The following DNAH5 variants were observed in gnomAD, a reference collection of about 807,000 sequenced individuals.
DNAH5 encodes axonemal beta dynein heavy chain 5.
Under a neutral mutation model 518.2 loss-of-function variants are expected in DNAH5, and 372 were observed. That is an observed-to-expected ratio of 0.72 (90% CI 0.66 to 0.78). The LOEUF (loss-of-function observed/expected upper bound fraction) is 0.78, where lower values mean the gene tolerates loss of function less well. DNAH5 is among the 30% of genes least tolerant of loss of function. DNAH5 has a pLI of 0.00. For missense variants in DNAH5, 5,523 were observed against 5,687.0 expected (o/e 0.97, Z 0.93); for synonymous variants, 2,039 against 2,025.9 (o/e 1.01, Z -0.17).
Position 13,775,529 on chromosome 5 carries a change from G to A in DNAH5, c.9373+910C>T, listed in dbSNP as rs1166980074. 4.2e-5 allele frequency among the ~76,000 whole-genome samples: 6 copies of A among 144,362 alleles called. No individual in the cohort carries two copies. The East Asian group carries it at 5.8e-4, about 14-fold the overall frequency. The allele number at this position is 144,362 out of a possible 152,430, so 94.7% of individuals were successfully genotyped here. A position where few individuals can be genotyped will look rare whatever the true frequency, so the allele number is the denominator to read the frequency against. On this transcript the variant is annotated intron_variant, in intron 55 of 78. Coordinates refer to ENST00000265104, the MANE Select transcript of DNAH5 (RefSeq NM_001369.3). ...AGAGAGAAATACAGATAGATAGATA[G>A]ACAGACAGACAGACAGACAGACAAC...
chr5:13,807,648 T>C lies in DNAH5; in HGVS notation c.7830A>G (p.Glu2610=), dbSNP rs1446485303. Reference sequence around the variant, plus strand: ...AATTCAGACTCTTGATCATGTGACATTCAGGATCATATTTTGACATAAATC... The same window carrying C: ...AATTCAGACTCTTGATCATGTGACACTCAGGATCATATTTTGACATAAATC... ...IKGFMSKYDP[E]CHMIKSLNFS... Residue 2610 remains glutamate (E), a synonymous_variant, in exon 47 of 79, where the codon GAA becomes GAG. Coordinates refer to ENST00000265104, the MANE Select transcript of DNAH5 (RefSeq NM_001369.3). 1.2e-6 allele frequency: 2 copies of C among 1,612,102 alleles called. No homozygotes were observed. The highest frequency in any genetic ancestry group is 1.7e-5 in the Admixed American group (1 of 59,980).
At chr5:13,875,180 C>T (rs1440704993) in intron 22 of DNAH5, among the ~76,000 whole-genome samples, 2 of 152,036 alleles carry the variant, frequency 1.3e-5, no homozygotes, top group Non-Finnish European at 2.9e-5. Flanking sequence ...ATAAAAGTGA[C>T]ACAGAGGCCG....
At chr5:13,972,824 G>T (rs11952833) in intron 1 of DNAH5, among the ~76,000 whole-genome samples, 4 of 151,992 alleles carry the variant, frequency 2.6e-5, no homozygotes, top group African/African-American at 9.7e-5. Flanking sequence ...CTGTCCATTC[G>T]AGTGGGAGCT....
At chr5:13,898,857 A>G in intron 15 of DNAH5, 1 of 373,370 alleles carries the variant, frequency 2.7e-6, no homozygotes, top group African/African-American at 2.1e-5. Context: ...TCCCCTGGGT[A>G]GCAGCATTTG....
chr5:13,823,504 G>A (rs533325926), intron 39 of DNAH5, 134 bp from the exon 40 acceptor site: 2 of 658,166 alleles, frequency 3.0e-6, no homozygotes, highest in Middle Eastern at 4.0e-4. Flanking sequence ...CACCTTTATT[G>A]AAGTTAAGAA....
At chr5:13,819,871 TG>T (rs1407702129) in intron 41 of DNAH5, among the ~76,000 whole-genome samples, 2 of 152,152 alleles carry the variant, frequency 1.3e-5, no homozygotes, top group Non-Finnish European at 2.9e-5. Context: ...ACATAAGAGT[TG>T]GGTTTGGAAT....
chr5:13,998,020 C>G (rs1406190330), intron 1 of DNAH5, among the ~76,000 whole-genome samples: 1 of 151,844 alleles, frequency 6.6e-6, no homozygotes, highest in African/African-American at 2.4e-5. Context: ...ATTTTTGTAT[C>G]TTTAGTAGAG....
chr5:13,797,202 G>A (rs1757967735), intron 47 of DNAH5, among the ~76,000 whole-genome samples: 1 of 152,052 alleles, frequency 6.6e-6, no homozygotes, highest in East Asian at 1.9e-4. Flanking sequence ...TAGACAAACG[G>A]GATCTAATTA....
chr5:13,701,824 A>T (rs1382602694), intron 76 of DNAH5, among the ~76,000 whole-genome samples: 2 of 46,216 alleles, frequency 4.3e-5, no homozygotes, highest in Non-Finnish European at 1.4e-4. Context: ...CTTAGGTTAC[A>T]ATTTCAATCT....
chr5:13,740,098 C>A (rs752327141), intron 65 of DNAH5, among the ~76,000 whole-genome samples: 1 of 152,042 alleles, frequency 6.6e-6, no homozygotes, highest in Non-Finnish European at 1.5e-5. Flanking sequence ...ACCTTTGAAC[C>A]CTGCTTGGTC....
chr5:13,809,872 C>T (rs1760312463), intron 45 of DNAH5, among the ~76,000 whole-genome samples, 187 bp downstream of exon 45: 1 of 152,168 alleles, frequency 6.6e-6, no homozygotes, highest in African/African-American at 2.4e-5. Flanking sequence ...GGAAAATGTG[C>T]ATTTGAAATA....
intron 1 of DNAH5, among the ~76,000 whole-genome samples, chr5:13,988,294 A>C (rs1783202926): frequency 6.6e-6 from 1 of 152,174 alleles, no homozygotes; most frequent in Admixed American, 6.5e-5. Context: ...TTGGTCTCCC[A>C]TTCTGGAGAG....
rs200836910 is a variant in DNAH5, at chr5:13,713,434, C to CATATATATAT, written c.13125+961_13125+970dup. Among the ~76,000 whole-genome samples, 345 of 70,610 alleles carry CATATATATAT rather than the reference C, an allele frequency of 4.9e-3. 2 individuals carry two copies. Among genetic ancestry groups the CATATATATAT allele is most frequent in the African/African-American group, 8.5e-3 (144 of 16,988 alleles). 46.3% of individuals were successfully genotyped at this position (70,610 alleles called of 152,430 possible). A position where few individuals can be genotyped will look rare whatever the true frequency, so the allele number is the denominator to read the frequency against. ...ACCGACATATATATATATACATCGA[C>CATATATATAT]ATATATATATATATATATATATATA... On this transcript the variant is annotated intron_variant, in intron 75 of 78. Transcript: ENST00000265104.
intron 71 of DNAH5, 101 bp downstream of exon 71, chr5:13,720,899 G>A: frequency 6.6e-7 from 1 of 1,511,026 alleles, no homozygotes; most frequent in Non-Finnish European, 9.1e-7. Flanking sequence ...CAGGCAGCAT[G>A]TAAATTTAAA....
rs368311367 is a variant in DNAH5 at position 13,952,168 on chromosome 5, C to T, written c.13-20924G>A. 5.3e-5 allele frequency among the ~76,000 whole-genome samples: 8 copies of T among 152,044 alleles called. No individual in the cohort carries two copies. In the East Asian group the frequency reaches 5.8e-4, roughly 11 times the overall value. ...GATCTCCCAACTTGGGATAGCTTGA[C>T]GTTTATCACAAATAAAAATCCGTGA... On this transcript the variant is annotated intron_variant, in intron 1 of 78. Transcript: ENST00000681290.
intron 47 of DNAH5, among the ~76,000 whole-genome samples, chr5:13,805,122 A>G (rs1314812124): frequency 2.0e-5 from 3 of 152,168 alleles, no homozygotes; most frequent in African/African-American, 7.2e-5. Flanking sequence ...ACTCATCACC[A>G]GCCATGTGAT....
At chr5:13,953,240 G>A (rs974413434) in intron 1 of DNAH5, among the ~76,000 whole-genome samples, 6 of 152,106 alleles carry the variant, frequency 3.9e-5, no homozygotes, top group African/African-American at 7.2e-5. Context: ...TCTTGACGGA[G>A]CAGAGGTGAA....
intron 25 of DNAH5, 84 bp from the exon 26 acceptor site, chr5:13,866,366 G>T (rs916764529): frequency 3.4e-5 from 40 of 1,176,962 alleles, no homozygotes; most frequent in Non-Finnish European, 4.6e-5. Context: ...AAATATTAAA[G>T]TTAGGTTTCA....
intron 40 of DNAH5, among the ~76,000 whole-genome samples, chr5:13,821,411 G>GT (rs138839042): frequency 0.41 from 62,485 of 151,752 alleles, 13,137 homozygotes; most frequent in East Asian, 0.61. Context: ...AAGTTACTCT[G>GT]TGCCAAATAT....
Sources: gnomAD v4.1 joint callset for allele counts (sites outside exome capture counted in the v4.1 genomes callset) on GRCh38, gnomAD v4.1.1 for gene constraint, MANE v1.5 for transcripts, NCBI Gene and HGNC (gene_info 2026-07-23, HGNC 2026-07-21) for gene names.